The following ENOX1 variants were observed in gnomAD, a reference collection of about 807,000 sequenced individuals.
ENOX1 encodes the protein candidate growth-related and time keeping constitutive hydroquinone (NADH) oxidase.
In ENOX1, 42 loss-of-function variants were observed where a neutral mutation model predicts 82.5. That is an observed-to-expected ratio of 0.51 (90% CI 0.40 to 0.66). The LOEUF (loss-of-function observed/expected upper bound fraction) is 0.66. Among genes scored for constraint, ENOX1 ranks in the 30% least tolerant of loss-of-function variants. The pLI, the probability that ENOX1 is intolerant of heterozygous loss-of-function variation, is 0.00. For missense variants in ENOX1, 608 were observed against 811.6 expected (o/e 0.75, Z 3.05); for synonymous variants, 271 against 282.2 (o/e 0.96, Z 0.40).
intron 3 of ENOX1, among the ~76,000 whole-genome samples, chr13:43,432,790 G>A (rs9316024): frequency 0.2 from 29,919 of 151,934 alleles, 3,552 homozygotes; most frequent in Middle Eastern, 0.31. Flanking sequence ...TTCTACTTTC[G>A]CCCTTTAAGT....
chr13:43,543,913 C>CTTTTTTTTTTTT (rs11324994), intron 2 of ENOX1: 106 of 97,398 alleles, frequency 1.1e-3, no homozygotes, highest in Non-Finnish European at 1.3e-3. Context: ...TTTTCTTTTT[C>CTTTTTTTTTTTT]TTTTTTTTTT....
chr13:43,403,717 T>C (rs727344), intron 5 of ENOX1, among the ~76,000 whole-genome samples: 19,096 of 152,008 alleles, frequency 0.13, 1,461 homozygotes, highest in Middle Eastern at 0.21. Flanking sequence ...GGCACACATC[T>C]GTGGTCCCAG....
Position 43,616,204 on chromosome 13 carries a change from A to ATATATAT in ENOX1, c.-219+51274_-219+51275insATATATA, listed in dbSNP as rs1457149422. ...TATCTATCTATATATATATATATAT[A>ATATATAT]TTTTTTTTTTTTTTTTAGGACGGAG... On this transcript the variant is annotated intron_variant, in intron 2 of 16. Coordinates refer to ENST00000690772, the MANE Select transcript of ENOX1 (RefSeq NM_001347969.2). Among the ~76,000 whole-genome samples, 55 of 15,312 alleles carry ATATATAT rather than the reference A, an allele frequency of 3.6e-3. 5 individuals carry two copies. The highest frequency in any genetic ancestry group is 5.8e-3 in the African/African-American group (52 of 8,892). The allele number at this position is 15,312 out of a possible 152,430, so 10.0% of individuals were successfully genotyped here. A position where few individuals can be genotyped will look rare whatever the true frequency, so the allele number is the denominator to read the frequency against.
chr13:43,618,210 C>T lies in ENOX1; in HGVS notation c.-219+49269G>A, dbSNP rs2082567215. The stretch of plus-strand genomic sequence containing the variant: ...CTCTGTGGTTTGTGTGTTTACTTTG[C>T]TAACTGTTCCTTTTGTCATGCAAAA... On this transcript the variant is annotated intron_variant, in intron 2 of 16. Transcript: ENST00000690772. Among the ~76,000 whole-genome samples the T allele has an allele frequency of 2.0e-5, 3 of 152,264 alleles. No individual in the cohort carries two copies. In the South Asian group the frequency reaches 6.2e-4, roughly 32 times the overall value.
At chr13:43,738,799 G>T (rs990501469) in intron 1 of ENOX1, among the ~76,000 whole-genome samples, 22 of 152,076 alleles carry the variant, frequency 1.4e-4, no homozygotes, top group African/African-American at 5.3e-4. Context: ...TATTAAGGAG[G>T]TCCAGCACTC....
At chr13:43,627,168 T>C (rs2082999362) in intron 2 of ENOX1, among the ~76,000 whole-genome samples, 1 of 152,044 alleles carries the variant, frequency 6.6e-6, no homozygotes, top group Non-Finnish European at 1.5e-5. Flanking sequence ...AATGTGCATA[T>C]GTCATTATAT....
chr13:43,389,827 C>T (rs2052658678), intron 5 of ENOX1, among the ~76,000 whole-genome samples: 1 of 152,066 alleles, frequency 6.6e-6, no homozygotes, highest in African/African-American at 2.4e-5. Context: ...GATATAGAAC[C>T]CCATTTCATG....
chr13:43,257,856 T>C (rs1289613867), intron 14 of ENOX1, among the ~76,000 whole-genome samples: 1 of 152,238 alleles, frequency 6.6e-6, no homozygotes, highest in Non-Finnish European at 1.5e-5. Flanking sequence ...GTTTTATCTA[T>C]ACAGGTATCC....
At chr13:43,626,134 C>T (rs1172502413) in intron 2 of ENOX1, among the ~76,000 whole-genome samples, 3 of 151,800 alleles carry the variant, frequency 2.0e-5, no homozygotes, top group Non-Finnish European at 4.4e-5. Flanking sequence ...CAGTGAATTG[C>T]TCACAGTATT....
intron 1 of ENOX1, among the ~76,000 whole-genome samples, chr13:43,712,843 T>C (rs948439530): frequency 1.3e-5 from 2 of 151,040 alleles, no homozygotes; most frequent in Non-Finnish European, 3.0e-5. Context: ...AGATAAACAA[T>C]CATGTCATCT....
intron 2 of ENOX1, among the ~76,000 whole-genome samples, chr13:43,563,918 A>G (rs1309738318): frequency 6.6e-6 from 1 of 152,142 alleles, no homozygotes. Context: ...CAAACATTTA[A>G]AGAAGCATAT....
intron 3 of ENOX1, among the ~76,000 whole-genome samples, chr13:43,423,126 C>G (rs148917445): frequency 6.6e-6 from 1 of 152,252 alleles, no homozygotes; most frequent in East Asian, 1.9e-4. Context: ...CACATTTAGA[C>G]TTCTAGAGAT....
At chr13:43,702,590 A>G (rs569487282) in intron 1 of ENOX1, among the ~76,000 whole-genome samples, 2 of 152,142 alleles carry the variant, frequency 1.3e-5, no homozygotes, top group Non-Finnish European at 2.9e-5. Flanking sequence ...GTATTAATAG[A>G]TGGGGCCTCT....
chr13:43,293,022 C>A (rs2046088181), intron 12 of ENOX1, among the ~76,000 whole-genome samples: 1 of 151,850 alleles, frequency 6.6e-6, no homozygotes, highest in African/African-American at 2.4e-5. Flanking sequence ...TCAGAGTCAC[C>A]ATCCCCACCA....
chr13:43,424,939 G>T (rs911361976), intron 3 of ENOX1, among the ~76,000 whole-genome samples: 3 of 152,144 alleles, frequency 2.0e-5, no homozygotes, highest in Non-Finnish European at 2.9e-5. Flanking sequence ...GAAAGTTCCA[G>T]TTCAGCAGTG....
intron 5 of ENOX1, among the ~76,000 whole-genome samples, chr13:43,362,777 T>G (rs1385240962): frequency 6.6e-6 from 1 of 152,236 alleles, no homozygotes; most frequent in East Asian, 1.9e-4. Flanking sequence ...CCAGCTACTT[T>G]GGACATTTCC....
At position 43,495,713 on chromosome 13, in the gene ENOX1, G is replaced by T. The variant is rs1022145475; in HGVS notation, c.-218-11561C>A. 3.6e-5 allele frequency among the ~76,000 whole-genome samples: 4 copies of T among 110,484 alleles called. No individual in the cohort carries two copies. The Admixed American group carries it at 3.6e-4, about 10-fold the overall frequency. 72.5% of individuals were successfully genotyped at this position (110,484 alleles called of 152,430 possible). A position where few individuals can be genotyped will look rare whatever the true frequency, so the allele number is the denominator to read the frequency against. On this transcript the variant is annotated intron_variant, in intron 2 of 16. Transcript: ENST00000690772. ...TATCCTTTCATTCTTAAGTAAATAG[G>T]TGTGAGGTTGCCAGGGCATTAAGTT... is the stretch of plus-strand genomic sequence containing the variant.
Position 43,298,517 on chromosome 13 carries a change from C to T in ENOX1, c.1275G>A (p.Gln425=), listed in dbSNP as rs1260876897. ...CATTCTCCTCTTTCAGAGCGTAGGC[C>T]TGGGCAGCCAGGGCTGAGGGACAAA... ...MRVDESALAA[Q]AYALKEENDS... Residue 425 remains glutamine (Q), a synonymous_variant, in exon 12 of 17, where the codon CAG becomes CAA. Transcript: ENST00000690772. 5 of 1,612,192 alleles carry T rather than the reference C, an allele frequency of 3.1e-6. No individual in the cohort carries two copies. Among genetic ancestry groups the T allele is most frequent in the Non-Finnish European group, 3.4e-6 (4 of 1,179,436 alleles).
chr13:43,331,978 G>A (rs934992402), intron 9 of ENOX1, among the ~76,000 whole-genome samples: 12 of 152,130 alleles, frequency 7.9e-5, no homozygotes, highest in South Asian at 4.1e-4. Flanking sequence ...GGGATGGACC[G>A]GAATTTCAAA....
Sources: gnomAD v4.1 joint callset for allele counts (sites outside exome capture counted in the v4.1 genomes callset) on GRCh38, gnomAD v4.1.1 for gene constraint, MANE v1.5 for transcripts, NCBI Gene and HGNC (gene_info 2026-07-23, HGNC 2026-07-21) for gene names.